Variants in DAPP1 observed in about 807,000 individuals in gnomAD.
The protein encoded by DAPP1 is dual adapter for phosphotyrosine and 3-phosphotyrosine and 3-phosphoinositide.
Under a neutral mutation model 41.5 loss-of-function variants are expected in DAPP1, and 20 were observed. The observed-to-expected ratio is 0.48, with a 90% CI of 0.34 to 0.70. The LOEUF is 0.70. DAPP1 is among the 30% of genes least tolerant of loss of function. DAPP1 has a pLI of 0.01. For synonymous variants in DAPP1, 113 were observed against 116.2 expected (o/e 0.97, Z 0.18); for missense variants, 233 against 333.4 (o/e 0.70, Z 2.35).
chr4:99,840,298 T>C lies in DAPP1; in HGVS notation c.234T>C (p.Asp78=). The C allele has an allele frequency of 6.4e-7, 1 of 1,554,522 alleles. No individual in the cohort carries two copies. The highest frequency in any genetic ancestry group is 8.7e-7 in the Non-Finnish European group (1 of 1,145,854). The part of the protein sequence containing the change: ...GLYSLSVRAK[D]SVKHFHVEYT... ...TCTTTTTCCCTTTTAGGGCCAAAGA[T>C]TCTGTTAAACACTTTCATGTTGAAT... is the stretch of plus-strand genomic sequence containing the variant. The change falls in exon 3 of 9, where the codon GAT becomes GAC. Residue 78 remains aspartate (D), a synonymous_variant. Transcript: ENST00000512369.
Position 99,866,019 on chromosome 4 carries a change from C to G in DAPP1, c.687-15C>G. On this transcript the variant is annotated splice_polypyrimidine_tract_variant and intron_variant, in intron 7 of 8. Transcript: ENST00000512369. ...TGATCTGCAATATCTTATGTTCTTT[C>G]TTTTGTCCTATTAGTTTGGTATTTC... 8.0e-7 allele frequency: 1 copy of G among 1,243,720 alleles called. No individual in the cohort carries two copies. The allele number at this position is 1,243,720 out of a possible 1,614,324, so 77.0% of individuals were successfully genotyped here. A position where few individuals can be genotyped will look rare whatever the true frequency, so the allele number is the denominator to read the frequency against.
intron 3 of DAPP1, among the ~76,000 whole-genome samples, chr4:99,848,500 A>T (rs533713206): frequency 1.3e-5 from 2 of 152,134 alleles, no homozygotes; most frequent in South Asian, 4.2e-4. Flanking sequence ...AAGTGCTGGG[A>T]TTACAGGCAT....
rs1267475680 is a variant in DAPP1 at position 99,869,616 on chromosome 4, G to A, written c.*1431G>A. On this transcript the variant is annotated 3_prime_UTR_variant, in exon 9 of 9. Transcript: ENST00000512369. Reference sequence around the variant, plus strand: ...GATAAAGCAAATGTCAAGTTAAAATGTATTGTGTTGTTTGTAAAGTAAGAA... The same window carrying A: ...GATAAAGCAAATGTCAAGTTAAAATATATTGTGTTGTTTGTAAAGTAAGAA... 2.0e-5 allele frequency: 3 copies of A among 152,154 alleles called. No homozygotes were observed. The highest frequency in any genetic ancestry group is 4.4e-5 in the Non-Finnish European group (3 of 68,020). The allele number at this position is 152,154 out of a possible 1,614,324, so 9.4% of individuals were successfully genotyped here. A position where few individuals can be genotyped will look rare whatever the true frequency, so the allele number is the denominator to read the frequency against.
chr4:99,827,807 C>T (rs1722993527), intron 1 of DAPP1, among the ~76,000 whole-genome samples: 1 of 152,042 alleles, frequency 6.6e-6, no homozygotes, highest in South Asian at 2.1e-4. Flanking sequence ...GAGATGAGTT[C>T]TTTGGGTGAT....
chr4:99,823,431 T>C (rs2110133746), intron 1 of DAPP1, among the ~76,000 whole-genome samples: 1 of 152,290 alleles, frequency 6.6e-6, no homozygotes, highest in Non-Finnish European at 1.5e-5. Flanking sequence ...ACATTGTTCA[T>C]CTTGATTCTA....
At chr4:99,825,998 A>G (rs1365379369) in intron 1 of DAPP1, among the ~76,000 whole-genome samples, 1 of 152,274 alleles carries the variant, frequency 6.6e-6, no homozygotes, top group Non-Finnish European at 1.5e-5. Context: ...AAATCAAAGT[A>G]TCTAGCACCG....
rs373792936 is a variant in DAPP1, at chr4:99,865,939, AT to A, written c.687-93del. The stretch of plus-strand genomic sequence containing the variant: ...TATATATATATAATATATATAATAT[AT>A]TATATTATATATTATATTATATATA... On this transcript the variant is annotated intron_variant, in intron 7 of 8. Transcript: ENST00000512369. 5.3e-3 allele frequency: 415 copies of A among 78,696 alleles called. 6 individuals are homozygous for A. Among genetic ancestry groups the A allele is most frequent in the African/African-American group, 0.023 (397 of 17,192 alleles). The allele number at this position is 78,696 out of a possible 1,614,324, so 4.9% of individuals were successfully genotyped here.
intron 7 of DAPP1, chr4:99,864,066 G>A (rs944608948): frequency 4.6e-5 from 19 of 414,550 alleles, no homozygotes; most frequent in South Asian, 1.4e-4. Context: ...CTTATGTTGC[G>A]TACTGGAGAA....
intron 8 of DAPP1, among the ~76,000 whole-genome samples, chr4:99,867,318 A>C (rs564214447): frequency 6.6e-6 from 1 of 152,360 alleles, no homozygotes; most frequent in East Asian, 1.9e-4. Context: ...AAGTAACACA[A>C]AATCATTATA....
chr4:99,840,203 A>T lies in DAPP1; in HGVS notation c.225-86A>T. ...TTCTCAGTTCTTATAAAGGGTTAAT[A>T]GTGATGCTAACATCTGAGATCATAT... On this transcript the variant is annotated intron_variant, in intron 2 of 8. Coordinates refer to ENST00000512369, the MANE Select transcript of DAPP1 (RefSeq NM_014395.3). 1.1e-5 allele frequency: 10 copies of T among 931,434 alleles called. No homozygotes were observed. In the South Asian group the frequency reaches 1.9e-4, roughly 18 times the overall value. 57.7% of individuals were successfully genotyped at this position (931,434 alleles called of 1,614,324 possible). A position where few individuals can be genotyped will look rare whatever the true frequency, so the allele number is the denominator to read the frequency against.
At position 99,853,268 on chromosome 4, in the gene DAPP1, T is replaced by C; in HGVS notation, c.409T>C (p.Ser137Pro). ...CTACCCAAGAAAAGTGGAAGAACCC[T>C]CCATTTATGAATCTGTCCGGGTTCA... ...HPYPRKVEEP[S>P]IYESVRVHTA... Residue 137 changes from serine (S) to proline (P), a missense_variant, in exon 4 of 9, where the codon TCC becomes CCC. Transcript: ENST00000512369. The C allele has an allele frequency of 6.2e-7, 1 of 1,613,900 alleles. No individual in the cohort carries two copies. Among genetic ancestry groups the C allele is most frequent in the South Asian group, 1.1e-5 (1 of 91,048 alleles).
At chr4:99,839,480 T>C (rs946659951) in intron 2 of DAPP1, among the ~76,000 whole-genome samples, 22 of 151,500 alleles carry the variant, frequency 1.5e-4, no homozygotes, top group African/African-American at 5.3e-4. Context: ...AATGACAATG[T>C]AGGAAATTTG....
rs779897890 is a variant in DAPP1 at position 99,866,110 on chromosome 4, C to T, written c.763C>T (p.Arg255Cys). 5 of 1,593,432 alleles carry T rather than the reference C, an allele frequency of 3.1e-6. No individual in the cohort carries two copies. The highest frequency in any genetic ancestry group is 1.1e-5 in the South Asian group (1 of 90,336). The part of the protein sequence containing the change: ...VEADEWIKIL[R>C]WKLSQIRKQL... ...AGCTGATGAGTGGATCAAGATATTA[C>T]GCTGGAAATTGGTGAGAATTTTTAA... Residue 255 changes from arginine to cysteine, a missense_variant, in exon 8 of 9, where the codon CGC becomes TGC. Physicochemically the swap from Arg to Cys is radical, Grantham distance 180 (BLOSUM62 -3). Coordinates refer to ENST00000512369, the MANE Select transcript of DAPP1 (RefSeq NM_014395.3).
At chr4:99,833,859 T>C (rs535858835) in intron 1 of DAPP1, among the ~76,000 whole-genome samples, 58 of 152,336 alleles carry the variant, frequency 3.8e-4, no homozygotes, top group African/African-American at 1.3e-3. Context: ...TGGTAGCAAT[T>C]AACGCATACT....
intron 1 of DAPP1, among the ~76,000 whole-genome samples, chr4:99,830,324 A>C (rs1426744577): frequency 6.6e-6 from 1 of 152,182 alleles, no homozygotes. Flanking sequence ...CAGAGGTTGC[A>C]GTGAGCCAAG....
intron 4 of DAPP1, among the ~76,000 whole-genome samples, chr4:99,860,959 A>G (rs1354920647): frequency 1.3e-5 from 2 of 152,246 alleles, no homozygotes; most frequent in African/African-American, 2.4e-5. Flanking sequence ...ACATGAGTTA[A>G]AAGAACTGGC....
chr4:99,854,026 G>A (rs1209133394), intron 4 of DAPP1, among the ~76,000 whole-genome samples: 4 of 152,008 alleles, frequency 2.6e-5, no homozygotes, highest in Admixed American at 2.6e-4. Flanking sequence ...ACTATCTATG[G>A]AAGACAAATA....
At chr4:99,825,144 T>C (rs1319461611) in intron 1 of DAPP1, among the ~76,000 whole-genome samples, 2 of 152,226 alleles carry the variant, frequency 1.3e-5, no homozygotes, top group African/African-American at 4.8e-5. Context: ...CCTAAGTCTC[T>C]GTCCCCATGT....
chr4:99,870,976 C>T (rs375510298), downstream of DAPP1, among the ~76,000 whole-genome samples: 18 of 152,164 alleles, frequency 1.2e-4, no homozygotes, highest in African/African-American at 4.1e-4. Context: ...GAATGGAACC[C>T]CATCATAAGT....
Sources: gnomAD v4.1 joint callset for allele counts (sites outside exome capture counted in the v4.1 genomes callset) on GRCh38, gnomAD v4.1.1 for gene constraint, MANE v1.5 for transcripts, NCBI Gene and HGNC (gene_info 2026-07-23, HGNC 2026-07-21) for gene names.